The following GRID2 variants were observed in gnomAD, a reference collection of about 807,000 sequenced individuals.
The protein encoded by GRID2 is glutamate receptor ionotropic, delta-2.
In GRID2, 33 loss-of-function variants were observed where a neutral mutation model predicts 114.8. That is an observed-to-expected ratio of 0.29 (90% CI 0.22 to 0.38). GRID2 has a LOEUF of 0.38. Ranked by LOEUF, GRID2 falls within the 10% of genes least tolerant of loss-of-function variation. GRID2 has a pLI of 1.00. For synonymous variants in GRID2, 505 were observed against 449.9 expected (o/e 1.12, Z -1.55); for missense variants, 1,184 against 1,257.7 (o/e 0.94, Z 0.89).
chr4:93,511,029 T>C (rs1377547628), intron 12 of GRID2, among the ~76,000 whole-genome samples: 3 of 152,126 alleles, frequency 2.0e-5, no homozygotes, highest in African/African-American at 7.2e-5. Flanking sequence ...CTCCGCCTTC[T>C]GGGTTCAAGT....
chr4:92,597,430 A>G (rs1729007807), intron 2 of GRID2, among the ~76,000 whole-genome samples: 3 of 152,120 alleles, frequency 2.0e-5, no homozygotes, highest in East Asian at 1.9e-4. Context: ...TCTACATCAT[A>G]ATTTTATAGC....
intron 2 of GRID2, among the ~76,000 whole-genome samples, chr4:93,063,985 A>G (rs1728036202): frequency 6.6e-6 from 1 of 151,058 alleles, no homozygotes; most frequent in Admixed American, 6.6e-5. Context: ...TAAGTAACAT[A>G]AGAAATATAT....
chr4:93,481,097 T>C lies in GRID2; in HGVS notation c.1859-9542T>C, dbSNP rs187575794. On this transcript the variant is annotated intron_variant, in intron 11 of 15. Transcript: ENST00000282020. ...TTGCCCTAATAGATACTTAATGTCA[T>C]ACTATTTGGTGTAAACTTTTATAAG... Among the ~76,000 whole-genome samples the C allele has an allele frequency of 2.5e-3, 381 of 152,158 alleles. 2 individuals carry two copies. Among genetic ancestry groups the C allele is most frequent in the African/African-American group, 8.8e-3 (367 of 41,552 alleles).
intron 2 of GRID2, among the ~76,000 whole-genome samples, chr4:92,718,018 GT>G (rs1177725720): frequency 1.3e-5 from 2 of 152,002 alleles, no homozygotes; most frequent in Non-Finnish European, 2.9e-5. Context: ...CTAAATTTAT[GT>G]TTGTCTAAAA....
At chr4:92,469,328 A>C (rs1438486552) in intron 1 of GRID2, among the ~76,000 whole-genome samples, 1 of 152,112 alleles carries the variant, frequency 6.6e-6, no homozygotes, top group African/African-American at 2.4e-5. Flanking sequence ...GTTGTCCCTC[A>C]GTATCAGCAG....
At position 92,469,305 on chromosome 4, in the gene GRID2, A is replaced by G. The variant is rs576651574; in HGVS notation, c.89-120826A>G. On this transcript the variant is annotated intron_variant, in intron 1 of 15. Coordinates refer to ENST00000282020, the MANE Select transcript of GRID2 (RefSeq NM_001510.4). ...TGCAACAATCCAATGAGAATGAAGA[A>G]GGTTAGAATATAGTTGTCCCTCAGT... Among the ~76,000 whole-genome samples, 5 of 152,258 alleles carry G rather than the reference A, an allele frequency of 3.3e-5. No homozygotes were observed. The East Asian group carries it at 9.6e-4, about 29-fold the overall frequency.
Position 92,536,489 on chromosome 4 carries a change from A to G in GRID2, c.89-53642A>G, listed in dbSNP as rs142722579. On this transcript the variant is annotated intron_variant, in intron 1 of 15. Coordinates refer to ENST00000282020, the MANE Select transcript of GRID2 (RefSeq NM_001510.4). ...TTAAATTAATATCCTATAAATACTG[A>G]TAACTCTCCCATATTTTTTATTCAC... Among the ~76,000 whole-genome samples, 1,242 of 152,278 alleles carry G rather than the reference A, an allele frequency of 8.2e-3. 14 individuals are homozygous for G. Among genetic ancestry groups the G allele is most frequent in the African/African-American group, 0.029 (1,187 of 41,554 alleles).
intron 8 of GRID2, among the ~76,000 whole-genome samples, chr4:93,332,285 T>C (rs1217896687): frequency 2.1e-4 from 26 of 121,990 alleles, no homozygotes; most frequent in African/African-American, 8.8e-4. Flanking sequence ...TGTGTGTGTG[T>C]GTGTGTGTGT....
At chr4:92,481,793 A>C (rs1722602202) in intron 1 of GRID2, among the ~76,000 whole-genome samples, 1 of 151,494 alleles carries the variant, frequency 6.6e-6, no homozygotes, top group African/African-American at 2.4e-5. Context: ...TTGCCTTGGG[A>C]AGCATGACCA....
At chr4:92,644,584 G>T (rs1180140905) in intron 2 of GRID2, among the ~76,000 whole-genome samples, 1 of 151,606 alleles carries the variant, frequency 6.6e-6, no homozygotes, top group African/African-American at 2.4e-5. Context: ...CTAGACTTGT[G>T]TTCCTTGAAC....
At chr4:92,478,269 G>T (rs1722411126) in intron 1 of GRID2, among the ~76,000 whole-genome samples, 1 of 152,052 alleles carries the variant, frequency 6.6e-6, no homozygotes, top group African/African-American at 2.4e-5. Flanking sequence ...ATAGCACCAT[G>T]AAATCTTCTT....
intron 14 of GRID2, among the ~76,000 whole-genome samples, chr4:93,714,035 A>G (rs1728703162): frequency 6.6e-6 from 1 of 152,052 alleles, no homozygotes; most frequent in Non-Finnish European, 1.5e-5. Context: ...AGATCATCCC[A>G]TCACCTAGGT....
chr4:92,704,593 G>A (rs971584328), intron 2 of GRID2, among the ~76,000 whole-genome samples: 6 of 152,074 alleles, frequency 3.9e-5, no homozygotes, highest in Non-Finnish European at 8.8e-5. Context: ...TCATAGAATG[G>A]ATAACAGTGA....
intron 2 of GRID2, among the ~76,000 whole-genome samples, chr4:92,761,348 C>T (rs1441371446): frequency 6.6e-6 from 1 of 152,114 alleles, no homozygotes; most frequent in Non-Finnish European, 1.5e-5. Context: ...TAATGACCAG[C>T]TATTTGTACT....
intron 1 of GRID2, among the ~76,000 whole-genome samples, chr4:92,328,329 C>G (rs1052942481): frequency 2.0e-5 from 3 of 152,046 alleles, no homozygotes; most frequent in Admixed American, 6.6e-5. Context: ...GACTTTATCA[C>G]TAAAGATACC....
chr4:92,328,663 G>T (rs1156592029), intron 1 of GRID2, among the ~76,000 whole-genome samples: 1 of 151,890 alleles, frequency 6.6e-6, no homozygotes, highest in South Asian at 2.1e-4. Flanking sequence ...ATCACAAACA[G>T]CATAATAAAA....
chr4:93,376,500 G>C (rs1763395987), intron 8 of GRID2, among the ~76,000 whole-genome samples: 2 of 152,036 alleles, frequency 1.3e-5, no homozygotes, highest in Non-Finnish European at 2.9e-5. Flanking sequence ...GAAGATAGAT[G>C]AATGGAGAAC....
chr4:92,529,952 T>C (rs1424293739), intron 1 of GRID2, among the ~76,000 whole-genome samples: 1 of 152,030 alleles, frequency 6.6e-6, no homozygotes, highest in Non-Finnish European at 1.5e-5. Flanking sequence ...AGAGGAAGAA[T>C]TGTAGACAAC....
At chr4:92,746,285 A>C (rs976976840) in intron 2 of GRID2, among the ~76,000 whole-genome samples, 1 of 152,164 alleles carries the variant, frequency 6.6e-6, no homozygotes, top group Non-Finnish European at 1.5e-5. Context: ...TAGGGAATTT[A>C]TGTCACACTA....
Sources: gnomAD v4.1 joint callset for allele counts (sites outside exome capture counted in the v4.1 genomes callset) on GRCh38, gnomAD v4.1.1 for gene constraint, MANE v1.5 for transcripts, NCBI Gene and HGNC (gene_info 2026-07-23, HGNC 2026-07-21) for gene names.